PCDH15: variants seen among roughly 807,000 people sequenced by gnomAD.
The protein encoded by PCDH15 is protocadherin related 15.
Under a neutral mutation model 178.5 loss-of-function variants are expected in PCDH15, and 129 were observed. That is an observed-to-expected ratio of 0.72 (90% CI 0.63 to 0.84). PCDH15 has a LOEUF of 0.84. Among genes scored for constraint, PCDH15 ranks in the 40% least tolerant of loss-of-function variants. The probability of loss-of-function intolerance (pLI) is 0.00; values close to 1 mark genes in which losing one functional copy is unlikely to be tolerated. For synonymous variants in PCDH15, 800 were observed against 732.0 expected (o/e 1.09, Z -1.50); for missense variants, 2,230 against 2,099.9 (o/e 1.06, Z -1.21).
Position 54,378,840 on chromosome 10 carries a change from A to G in PCDH15, c.260T>C (p.Met87Thr). 1 of 1,613,982 alleles carries G rather than the reference A, an allele frequency of 6.2e-7. No homozygotes were observed. Among genetic ancestry groups the G allele is most frequent in the Non-Finnish European group, 8.5e-7 (1 of 1,179,908 alleles). ...GAAAAGCATTTGCTTAACAGGATCC[A>G]TCAACACCCAGTAATCCACATTATC... ...LKDNVDYWVL[M>T]DPVKQMLFLN... The change falls in exon 4 of 38, where the codon ATG becomes ACG. Residue 87 changes from methionine to threonine, a missense_variant. Met to Thr is a moderately conservative substitution (Grantham distance 81). Transcript: ENST00000644397.
chr10:54,917,142 A>G (rs1293617219), intron 2 of PCDH15, among the ~76,000 whole-genome samples: 1 of 152,156 alleles, frequency 6.6e-6, no homozygotes, highest in African/African-American at 2.4e-5. Context: ...AAATACGTAA[A>G]ATGCATTTGG....
chr10:54,599,376 T>C (rs980311654), intron 2 of PCDH15, among the ~76,000 whole-genome samples: 4 of 152,058 alleles, frequency 2.6e-5, no homozygotes, highest in African/African-American at 9.7e-5. Context: ...ATCTGCTCTT[T>C]GAGAAAACTG....
chr10:54,624,304 T>G (rs1397438783), intron 2 of PCDH15, among the ~76,000 whole-genome samples: 1 of 152,182 alleles, frequency 6.6e-6, no homozygotes, highest in Non-Finnish European at 1.5e-5. Flanking sequence ...GATGAAAATA[T>G]TTAGAACCAC....
At chr10:55,124,133 C>T (rs1313583787) in intron 2 of PCDH15, among the ~76,000 whole-genome samples, 1 of 152,092 alleles carries the variant, frequency 6.6e-6, no homozygotes, top group Non-Finnish European at 1.5e-5. Flanking sequence ...AAAATAATTC[C>T]AAATATGCCA....
chr10:54,139,854 A>C (rs1447411373), intron 14 of PCDH15, among the ~76,000 whole-genome samples: 1 of 152,168 alleles, frequency 6.6e-6, no homozygotes, highest in Non-Finnish European at 1.5e-5. Flanking sequence ...TGAAAAAAAT[A>C]ACAATTTTTA....
At chr10:55,547,122 C>T (rs1430634842) in intron 2 of PCDH15, among the ~76,000 whole-genome samples, 1 of 152,146 alleles carries the variant, frequency 6.6e-6, no homozygotes, top group East Asian at 1.9e-4. Flanking sequence ...GGATCAGTCA[C>T]TGGCAAGGAG....
chr10:55,526,650 TG>T (rs962293405), intron 2 of PCDH15, among the ~76,000 whole-genome samples: 16 of 152,176 alleles, frequency 1.1e-4, no homozygotes, highest in African/African-American at 3.6e-4. Flanking sequence ...GCTATTGATT[TG>T]GGGTCTTTGA....
intron 3 of PCDH15, among the ~76,000 whole-genome samples, chr10:54,523,184 A>T (rs187879105): frequency 1.8e-4 from 27 of 152,296 alleles, no homozygotes; most frequent in Middle Eastern, 3.4e-3. Context: ...GAAAGCAAAA[A>T]CTTGGATCAA....
intron 3 of PCDH15, among the ~76,000 whole-genome samples, chr10:54,418,787 A>T (rs1313322853): frequency 7.2e-5 from 11 of 152,006 alleles, no homozygotes; most frequent in Admixed American, 7.2e-4. Context: ...GTTTGATGCA[A>T]CAAATATTTG....
At chr10:55,492,657 A>G (rs2132129679) in intron 2 of PCDH15, among the ~76,000 whole-genome samples, 1 of 151,964 alleles carries the variant, frequency 6.6e-6, no homozygotes, top group African/African-American at 2.4e-5. Flanking sequence ...CAATGATAAT[A>G]ACAGCAACAA....
At chr10:55,199,333 A>C (rs1354407764) in intron 1 of PCDH15, among the ~76,000 whole-genome samples, 2 of 152,094 alleles carry the variant, frequency 1.3e-5, no homozygotes, top group Non-Finnish European at 2.9e-5. Context: ...TGATCTAGAG[A>C]TCTGCAGAAC....
chr10:54,067,696 G>A (rs1393920354), intron 17 of PCDH15, among the ~76,000 whole-genome samples: 4 of 152,140 alleles, frequency 2.6e-5, no homozygotes, highest in African/African-American at 9.7e-5. Context: ...CAAAGGTACA[G>A]AGAGAAAGAA....
rs568075612 is a variant in PCDH15, at chr10:54,175,850, A to G, written c.1590+7594T>C. Among the ~76,000 whole-genome samples the G allele has an allele frequency of 3.5e-4, 53 of 152,144 alleles. 1 individual carries two copies. Among genetic ancestry groups the G allele is most frequent in the Non-Finnish European group, 5.6e-4 (38 of 68,006 alleles). On this transcript the variant is annotated intron_variant, in intron 13 of 37. Transcript: ENST00000644397. ...TGTTCAAAGTTTTTTCCTATGATAT[A>G]TTACCTATGATATAGAATAACTACC...
intron 1 of PCDH15, among the ~76,000 whole-genome samples, chr10:54,736,854 G>A (rs1944193612): frequency 6.6e-6 from 1 of 152,056 alleles, no homozygotes; most frequent in Non-Finnish European, 1.5e-5. Context: ...GGGTCAATAT[G>A]ACAATGCATT....
chr10:54,533,296 A>G (rs1304281032), intron 2 of PCDH15, among the ~76,000 whole-genome samples: 1 of 152,194 alleles, frequency 6.6e-6, no homozygotes, highest in Non-Finnish European at 1.5e-5. Flanking sequence ...CTGAAGACTT[A>G]CTGTAATGAG....
chr10:54,074,445 T>C (rs190576052), intron 17 of PCDH15, among the ~76,000 whole-genome samples: 1 of 152,186 alleles, frequency 6.6e-6, no homozygotes, highest in Admixed American at 6.5e-5. Context: ...TCATATGGAA[T>C]TTAACATTTT....
chr10:55,175,558 G>A (rs927183813), intron 1 of PCDH15, among the ~76,000 whole-genome samples: 1 of 151,458 alleles, frequency 6.6e-6, no homozygotes, highest in African/African-American at 2.4e-5. Context: ...AGGTACTTGG[G>A]GGGTGGCTGG....
chr10:53,969,358 T>G (rs2089415435), intron 21 of PCDH15, among the ~76,000 whole-genome samples: 1 of 152,088 alleles, frequency 6.6e-6, no homozygotes, highest in Non-Finnish European at 1.5e-5. Context: ...TGGAACTATG[T>G]GAAAAGACCA....
intron 8 of PCDH15, among the ~76,000 whole-genome samples, chr10:54,256,876 C>T (rs2056933006): frequency 6.6e-6 from 1 of 152,104 alleles, no homozygotes; most frequent in African/African-American, 2.4e-5. Flanking sequence ...GTATCAGTGC[C>T]TGAAATTTTT....
Sources: allele counts gnomAD v4.1 joint callset (sites outside exome capture counted in the v4.1 genomes callset), GRCh38; gene constraint gnomAD v4.1.1; transcripts MANE v1.5; gene names NCBI Gene and HGNC (gene_info 2026-07-23, HGNC 2026-07-21).